The following BICC1 variants were observed in gnomAD, a reference collection of about 807,000 sequenced individuals.
BICC1 encodes BicC family RNA binding protein 1, also known as protein bicaudal C homolog 1.
In BICC1, 43 loss-of-function variants were observed where a neutral mutation model predicts 111.0. The ratio of observed to expected loss-of-function variants is 0.39; its 90% CI spans 0.30 to 0.50. The LOEUF is 0.50. BICC1 is among the 20% of genes least tolerant of loss of function. The pLI is 0.88. For synonymous variants in BICC1, 467 were observed against 434.4 expected (o/e 1.07, Z -0.93); for missense variants, 1,091 against 1,203.2 (o/e 0.91, Z 1.38).
chr10:58,826,350 G>C (rs534056565), intron 20 of BICC1, among the ~76,000 whole-genome samples: 1 of 152,132 alleles, frequency 6.6e-6, no homozygotes, highest in East Asian at 1.9e-4. Flanking sequence ...TCCCAGACAC[G>C]GTTAAGAAAA....
intron 2 of BICC1, among the ~76,000 whole-genome samples, chr10:58,652,694 T>A (rs1189807633): frequency 6.6e-6 from 1 of 152,194 alleles, no homozygotes; most frequent in Admixed American, 6.6e-5. Context: ...AATTTTAATA[T>A]TGTTTACCTC....
chr10:58,800,729 C>T (rs952562186), intron 13 of BICC1, among the ~76,000 whole-genome samples, 161 bp from the exon 14 acceptor site: 4 of 152,114 alleles, frequency 2.6e-5, no homozygotes, highest in Admixed American at 1.3e-4. Context: ...TTTGTGACAA[C>T]CTGAACTTGT....
At chr10:58,580,226 G>A (rs1844242499) in intron 1 of BICC1, among the ~76,000 whole-genome samples, 1 of 152,046 alleles carries the variant, frequency 6.6e-6, no homozygotes, top group African/African-American at 2.4e-5. Context: ...GTTTCACCAT[G>A]TTGGCTAGGT....
At chr10:58,653,329 T>C (rs1838510992) in intron 2 of BICC1, among the ~76,000 whole-genome samples, 3 of 152,116 alleles carry the variant, frequency 2.0e-5, no homozygotes, top group South Asian at 2.1e-4. Flanking sequence ...TCCAGAGATA[T>C]TGCATCATCT....
At chr10:58,602,503 T>G (rs898084950) in intron 1 of BICC1, among the ~76,000 whole-genome samples, 3 of 152,158 alleles carry the variant, frequency 2.0e-5, no homozygotes, top group Non-Finnish European at 2.9e-5. Flanking sequence ...CCAAGGACTT[T>G]AAACGGAATA....
chr10:58,577,804 G>A (rs1334967926), intron 1 of BICC1, among the ~76,000 whole-genome samples: 1 of 152,114 alleles, frequency 6.6e-6, no homozygotes, highest in Non-Finnish European at 1.5e-5. Context: ...AATGGTGGAA[G>A]CACAAGAGGA....
chr10:58,691,685 A>G (rs1839912216), intron 2 of BICC1, among the ~76,000 whole-genome samples: 1 of 152,162 alleles, frequency 6.6e-6, no homozygotes, highest in South Asian at 2.1e-4. Flanking sequence ...CTGTGTTAGC[A>G]GAAGGTTGGA....
intron 19 of BICC1, among the ~76,000 whole-genome samples, chr10:58,818,226 G>A (rs9415586): frequency 0.052 from 7,878 of 151,944 alleles, 281 homozygotes; most frequent in Non-Finnish European, 0.082. Context: ...TTATTGTTTG[G>A]GTTTTACCTG....
At chr10:58,700,916 G>C (rs1840213327) in intron 2 of BICC1, among the ~76,000 whole-genome samples, 1 of 152,158 alleles carries the variant, frequency 6.6e-6, no homozygotes, top group Admixed American at 6.5e-5. Context: ...ATTTAAAAAT[G>C]TTGGCTCAAA....
intron 1 of BICC1, among the ~76,000 whole-genome samples, chr10:58,520,892 C>T (rs926580379): frequency 6.6e-6 from 1 of 151,820 alleles, no homozygotes; most frequent in Non-Finnish European, 1.5e-5. Context: ...TTATTTTTGC[C>T]ATGCATTTTG....
rs537723138 is a variant in BICC1 at position 58,561,350 on chromosome 10, T to C, written c.190+48017T>C. 1.5e-4 allele frequency among the ~76,000 whole-genome samples: 23 copies of C among 152,148 alleles called. No individual in the cohort carries two copies. The South Asian group carries it at 4.6e-3, about 30-fold the overall frequency. On this transcript the variant is annotated intron_variant, in intron 1 of 20. Transcript: ENST00000373886. ...TGACTTAAAAATTCATTTTATCTAA[T>C]ATAAATATAGCTACTCCCATTTAGT...
At chr10:58,787,120 T>C in intron 5 of BICC1, 39 bp downstream of exon 5, 1 of 1,493,154 alleles carries the variant, frequency 6.7e-7, no homozygotes, top group East Asian at 2.5e-5. Flanking sequence ...TGGGATGAAT[T>C]ACAGCCTTAA....
Position 58,677,143 on chromosome 10 carries a change from T to C in BICC1, c.238-24931T>C, listed in dbSNP as rs536157254. ...ATTCCAAAAACCAGAATGCCTCTTCTCCTCCAAAGGAGCACAACTCCTCGC... is the reference window on the plus strand; with the variant it reads ...ATTCCAAAAACCAGAATGCCTCTTCCCCTCCAAAGGAGCACAACTCCTCGC... On this transcript the variant is annotated intron_variant, in intron 2 of 20. Coordinates refer to ENST00000373886, the MANE Select transcript of BICC1 (RefSeq NM_001080512.3). 2.0e-5 allele frequency among the ~76,000 whole-genome samples: 3 copies of C among 152,076 alleles called. No individual in the cohort carries two copies. In the East Asian group the frequency reaches 5.8e-4, roughly 29 times the overall value.
At chr10:58,737,502 T>A (rs1841509499) in intron 3 of BICC1, among the ~76,000 whole-genome samples, 1 of 152,234 alleles carries the variant, frequency 6.6e-6, no homozygotes, top group Non-Finnish European at 1.5e-5. Context: ...CTATCATTGA[T>A]GGACATTTGG....
intron 3 of BICC1, among the ~76,000 whole-genome samples, chr10:58,757,613 CA>C (rs1842182997): frequency 6.6e-6 from 1 of 152,058 alleles, no homozygotes; most frequent in Non-Finnish European, 1.5e-5. Flanking sequence ...TAAAAAGGGA[CA>C]GGAAGGGCAC....
chr10:58,522,147 A>G (rs1398131240), intron 1 of BICC1, among the ~76,000 whole-genome samples: 1 of 151,910 alleles, frequency 6.6e-6, no homozygotes, highest in Non-Finnish European at 1.5e-5. Context: ...GCACAAATCT[A>G]TATATTCTTG....
At chr10:58,607,005 T>G (rs1251235920) in intron 1 of BICC1, among the ~76,000 whole-genome samples, 1 of 152,198 alleles carries the variant, frequency 6.6e-6, no homozygotes, top group Non-Finnish European at 1.5e-5. Flanking sequence ...GATATTTTTG[T>G]TCTCTAAATG....
chr10:58,801,619 T>C (rs1843551986), intron 14 of BICC1, among the ~76,000 whole-genome samples: 1 of 151,928 alleles, frequency 6.6e-6, no homozygotes, highest in African/African-American at 2.4e-5. Context: ...CCATGTATTT[T>C]GGACAGTCTC....
chr10:58,580,293 G>A (rs1370222180), intron 1 of BICC1, among the ~76,000 whole-genome samples: 2 of 152,028 alleles, frequency 1.3e-5, no homozygotes, highest in African/African-American at 2.4e-5. Flanking sequence ...CACATTGCTG[G>A]GATTACAGGT....
Sources: allele counts gnomAD v4.1 joint callset (sites outside exome capture counted in the v4.1 genomes callset), GRCh38; gene constraint gnomAD v4.1.1; transcripts MANE v1.5; gene names NCBI Gene and HGNC (gene_info 2026-07-23, HGNC 2026-07-21).